Variants in CSMD3 observed in about 807,000 individuals in gnomAD.
CSMD3 encodes CUB and Sushi multiple domains 3.
In CSMD3, 177 loss-of-function variants were observed where a neutral mutation model predicts 435.2. That is an observed-to-expected ratio of 0.41 (90% CI 0.36 to 0.46). The LOEUF is 0.46. Among genes scored for constraint, CSMD3 ranks in the 20% least tolerant of loss-of-function variants. CSMD3 has a pLI of 0.34. For missense variants in CSMD3, 4,265 were observed against 4,504.6 expected, an observed-to-expected ratio of 0.95 and a Z score of 1.52; for synonymous variants, 1,656 against 1,520.5, an observed-to-expected ratio of 1.09 and a Z score of -2.07.
In CSMD3 at chr8:112,370,023, G is replaced by GGAAGAAGAAGAAGAAGAA. The variant is rs71309767; in HGVS notation, c.6136+10311_6136+10328dup. Among the ~76,000 whole-genome samples the GGAAGAAGAAGAAGAAGAA allele has an allele frequency of 7.4e-3, 494 of 66,482 alleles. 2 individuals carry two copies. Among genetic ancestry groups the GGAAGAAGAAGAAGAAGAA allele is most frequent in the African/African-American group, 9.6e-3 (150 of 15,566 alleles). The allele number at this position is 66,482 out of a possible 152,430, so 43.6% of individuals were successfully genotyped here. ...AAGAAGAGGAAGAGGAAGAAGAAGA[G>GGAAGAAGAAGAAGAAGAA]GAAGAAGAAGAAGAAGAAGAAGAAG... On this transcript the variant is annotated intron_variant, in intron 38 of 70. Coordinates refer to ENST00000297405, the MANE Select transcript of CSMD3 (RefSeq NM_198123.2).
chr8:113,311,306 C>G (rs1356518149), intron 2 of CSMD3: 1 of 151,890 alleles, frequency 6.6e-6, no homozygotes, highest in Non-Finnish European at 1.5e-5. Context: ...TACAGAAAAA[C>G]AAGTAATATC....
Position 112,650,237 on chromosome 8 carries a change from T to G in CSMD3, c.3117A>C (p.Gly1039=). The G allele has an allele frequency of 6.2e-7, 1 of 1,613,934 alleles. No homozygotes were observed. Among genetic ancestry groups the G allele is most frequent in the Non-Finnish European group, 8.5e-7 (1 of 1,179,848 alleles). ...GSTVSFSCDS[G]YRLSHEEPLL... ...GGGGCTCTTCATGACTCAACCTGTA[T>G]CCTGAATCACAACTAAATGAAACAG... Residue 1039 remains glycine, a synonymous_variant, in exon 19 of 71, where the codon GGA becomes GGC. Transcript: ENST00000297405.
At chr8:113,224,271 T>C (rs2093001979) in intron 3 of CSMD3, among the ~76,000 whole-genome samples, 1 of 151,300 alleles carries the variant, frequency 6.6e-6, no homozygotes, top group Admixed American at 6.6e-5. Context: ...TTTTATTTTG[T>C]ATTTGCCCAT....
intron 4 of CSMD3, among the ~76,000 whole-genome samples, chr8:113,108,833 A>T (rs769974008): frequency 6.6e-6 from 1 of 152,182 alleles, no homozygotes; most frequent in Non-Finnish European, 1.5e-5. Context: ...AATACAAAAG[A>T]CCTATGTAAA....
chr8:113,419,423 T>C (rs537972458), intron 1 of CSMD3, among the ~76,000 whole-genome samples: 1 of 152,178 alleles, frequency 6.6e-6, no homozygotes, highest in Admixed American at 6.5e-5. Context: ...CGGCCTACAC[T>C]TGTCTTTTTA....
chr8:112,699,511 T>C (rs552695844), intron 13 of CSMD3, among the ~76,000 whole-genome samples: 1 of 152,326 alleles, frequency 6.6e-6, no homozygotes, highest in South Asian at 2.1e-4. Context: ...ACAGTGGTTG[T>C]GGATTTTTGG....
chr8:112,859,308 A>C (rs1587497148), intron 10 of CSMD3, 42 bp from the exon 11 acceptor site: 1 of 1,548,664 alleles, frequency 6.5e-7, no homozygotes, highest in East Asian at 2.3e-5. Flanking sequence ...CATATGTCAC[A>C]TGTAAAATTA....
At chr8:112,399,052 A>T (rs1586193356) in intron 35 of CSMD3, among the ~76,000 whole-genome samples, 1 of 150,116 alleles carries the variant, frequency 6.7e-6, no homozygotes, top group Non-Finnish European at 1.5e-5. Context: ...GAGTAGCTGG[A>T]ATTACAGGCA....
At position 112,988,167 on chromosome 8, in the gene CSMD3, C is replaced by T. The variant is rs192275800; in HGVS notation, c.1031-12019G>A. On this transcript the variant is annotated intron_variant, in intron 6 of 70. Coordinates refer to ENST00000297405, the MANE Select transcript of CSMD3 (RefSeq NM_198123.2). ...GCTACAAAGGCCTATTGGATTCTTGCGCAAATCAAGGGAAGAGAAGGTGCC... is the reference window on the plus strand; with the variant it reads ...GCTACAAAGGCCTATTGGATTCTTGTGCAAATCAAGGGAAGAGAAGGTGCC... Among the ~76,000 whole-genome samples, 514 of 152,060 alleles carry T rather than the reference C, an allele frequency of 3.4e-3. 1 individual carries two copies. The highest frequency in any genetic ancestry group is 0.012 in the African/African-American group (487 of 41,522).
intron 4 of CSMD3, among the ~76,000 whole-genome samples, chr8:113,167,139 T>C (rs1176605673): frequency 6.6e-6 from 1 of 152,132 alleles, no homozygotes; most frequent in Non-Finnish European, 1.5e-5. Flanking sequence ...GTTTTTTAAA[T>C]ATTCTCCACT....
At chr8:112,760,138 A>T (rs1473900692) in intron 13 of CSMD3, among the ~76,000 whole-genome samples, 1 of 152,210 alleles carries the variant, frequency 6.6e-6, no homozygotes, top group Admixed American at 6.6e-5. Context: ...TTTGCTAAAA[A>T]TTTTCAGAAT....
At chr8:112,281,713 A>G (rs1895017) in intron 58 of CSMD3, among the ~76,000 whole-genome samples, 1,919 of 152,292 alleles carry the variant, frequency 0.013, 46 homozygotes, top group East Asian at 0.085. Flanking sequence ...ATTGGAAGAC[A>G]TGTAACAATG....
At chr8:112,782,705 G>T (rs1358745620) in intron 13 of CSMD3, among the ~76,000 whole-genome samples, 2 of 151,770 alleles carry the variant, frequency 1.3e-5, no homozygotes, top group Middle Eastern at 3.2e-3. Flanking sequence ...AAAGAGAAAA[G>T]AAACAAATAG....
chr8:112,646,174 G>A (rs2074974304), intron 19 of CSMD3, among the ~76,000 whole-genome samples: 1 of 152,124 alleles, frequency 6.6e-6, no homozygotes, highest in South Asian at 2.1e-4. Context: ...TGTCTACTGA[G>A]TTAAAACCTA....
chr8:112,898,473 G>T (rs2082012974), intron 10 of CSMD3, among the ~76,000 whole-genome samples: 1 of 150,938 alleles, frequency 6.6e-6, no homozygotes, highest in Admixed American at 6.6e-5. Context: ...AAATTATTTT[G>T]CTTTTTAGTA....
chr8:113,003,495 T>C (rs2085943014), intron 6 of CSMD3, among the ~76,000 whole-genome samples: 1 of 152,020 alleles, frequency 6.6e-6, no homozygotes, highest in Non-Finnish European at 1.5e-5. Flanking sequence ...AAGGATAATG[T>C]CTATTTTATC....
chr8:112,225,585 C>T (rs1433671567), intron 70 of CSMD3, among the ~76,000 whole-genome samples: 2 of 152,138 alleles, frequency 1.3e-5, no homozygotes, highest in African/African-American at 2.4e-5. Context: ...GTCGGTTCCG[C>T]ACAAAAAGAG....
intron 5 of CSMD3, among the ~76,000 whole-genome samples, chr8:113,067,571 G>A (rs557532193): frequency 6.6e-6 from 1 of 152,024 alleles, no homozygotes; most frequent in African/African-American, 2.4e-5. Flanking sequence ...AATAACTTTT[G>A]TACCAACTTA....
At chr8:113,095,255 A>C (rs1262460926) in intron 5 of CSMD3, among the ~76,000 whole-genome samples, 1 of 152,054 alleles carries the variant, frequency 6.6e-6, no homozygotes, top group Non-Finnish European at 1.5e-5. Context: ...TCCATTTATT[A>C]ATTTAGGAAC....
Sources: gnomAD v4.1 joint callset for allele counts (sites outside exome capture counted in the v4.1 genomes callset) on GRCh38, gnomAD v4.1.1 for gene constraint, MANE v1.5 for transcripts, NCBI Gene and HGNC (gene_info 2026-07-23, HGNC 2026-07-21) for gene names.